Variants in CRTC1 observed in about 807,000 individuals in gnomAD.
The protein encoded by CRTC1 is CREB-regulated transcription coactivator 1.
Under a neutral mutation model 66.1 loss-of-function variants are expected in CRTC1, and 18 were observed. The observed-to-expected ratio is 0.27, with a 90% CI of 0.19 to 0.40. The LOEUF (loss-of-function observed/expected upper bound fraction) is 0.40. Ranked by LOEUF, CRTC1 falls within the 10% of genes least tolerant of loss-of-function variation. The pLI is 1.00. For missense variants in CRTC1, 669 were observed against 887.9 expected (o/e 0.75, Z 3.13); for synonymous variants, 416 against 398.8 (o/e 1.04, Z -0.51).
At position 18,775,632 on chromosome 19, in the gene CRTC1, C is replaced by T; in HGVS notation, c.1513-9C>T. Reference sequence around the variant, plus strand: ...TGGCCCTCACAGCCTGGTGTGCCTCCCTTCCCAGCTGGAGCAGTTCAACAT... The same window carrying T: ...TGGCCCTCACAGCCTGGTGTGCCTCTCTTCCCAGCTGGAGCAGTTCAACAT... On this transcript the variant is annotated splice_polypyrimidine_tract_variant and intron_variant, in intron 12 of 13. Coordinates refer to ENST00000321949, the MANE Select transcript of CRTC1 (RefSeq NM_015321.3). The T allele has an allele frequency of 6.4e-7, 1 of 1,562,838 alleles. No homozygotes were observed. The highest frequency in any genetic ancestry group is 8.7e-7 in the Non-Finnish European group (1 of 1,152,312).
At chr19:18,761,196 T>TGGCCTCTACTGCCGC (rs1290686230) in intron 8 of CRTC1, among the ~76,000 whole-genome samples, 1 of 152,174 alleles carries the variant, frequency 6.6e-6, no homozygotes, top group East Asian at 1.9e-4. Context: ...GTCCCGGCCC[T>TGGCCTCTACTGCCGC]GGCCTCTACT....
In CRTC1 at chr19:18,759,146, C is replaced by CTA. The variant is rs1261146205; in HGVS notation, c.625-405_625-404insTA. 2.0e-5 allele frequency among the ~76,000 whole-genome samples: 3 copies of CTA among 152,130 alleles called. No homozygotes were observed. In the East Asian group the frequency reaches 5.8e-4, roughly 29 times the overall value. ...TGAGCTCAGGAGGTTGAGGCTGCGG[C>CTA]GAGCTGTGATCACACCACTGCACTC... On this transcript the variant is annotated intron_variant, in intron 6 of 13. Transcript: ENST00000321949.
Position 18,712,712 on chromosome 19 carries a change from C to T in CRTC1, c.126+28884C>T, listed in dbSNP as rs566932269. 1.7e-4 allele frequency among the ~76,000 whole-genome samples: 26 copies of T among 152,180 alleles called. 1 individual carries two copies. The highest frequency in any genetic ancestry group is 4.8e-4 in the African/African-American group (20 of 41,542). On this transcript the variant is annotated intron_variant, in intron 1 of 13. Transcript: ENST00000321949. Reference sequence around the variant, plus strand: ...CAGTTGCCCATTCCTATAATCCCAACGCTTTGGGAGGCCAAGGCGGGCAGA... The same window carrying T: ...CAGTTGCCCATTCCTATAATCCCAATGCTTTGGGAGGCCAAGGCGGGCAGA...
rs756410196 is a variant in CRTC1, at chr19:18,768,809, G to A, written c.1320+16G>A. ...CATCGCCTCGGTAAGCCCAGGGTGG[G>A]GTCCCTCGGGGCCTGACTGGGGGTC... is the stretch of plus-strand genomic sequence containing the variant. On this transcript the variant is annotated intron_variant, in intron 10 of 13. Coordinates refer to ENST00000321949, the MANE Select transcript of CRTC1 (RefSeq NM_015321.3). This position sits in a 1 kb window ranked among gnomAD's most constrained non-coding sequence, Gnocchi z 5.6. 1 of 1,583,706 alleles carries A rather than the reference G, an allele frequency of 6.3e-7. No individual in the cohort carries two copies. Among genetic ancestry groups the A allele is most frequent in the South Asian group, 1.2e-5 (1 of 86,808 alleles).
At chr19:18,699,310 C>T (rs2053075302) in intron 1 of CRTC1, among the ~76,000 whole-genome samples, 1 of 152,194 alleles carries the variant, frequency 6.6e-6, no homozygotes, top group African/African-American at 2.4e-5. Context: ...TTGAGGGGCC[C>T]TGAAGTGAGA....
chr19:18,754,036 G>GGTTGCACTGAGCCGAGATTGTGCC, intron 6 of CRTC1, among the ~76,000 whole-genome samples: 1 of 151,966 alleles, frequency 6.6e-6, no homozygotes, highest in East Asian at 1.9e-4. Flanking sequence ...TGGAGGCAGA[G>GGTTGCACTGAGCCGAGATTGTGCC]GTTGCACTGA....
chr19:18,768,936 G>A lies in CRTC1; in HGVS notation c.1320+143G>A. 9.4e-6 allele frequency: 10 copies of A among 1,069,058 alleles called. No individual in the cohort carries two copies. The highest frequency in any genetic ancestry group is 1.3e-5 in the Non-Finnish European group (10 of 762,656). The allele number at this position is 1,069,058 out of a possible 1,614,324, so 66.2% of individuals were successfully genotyped here. A position where few individuals can be genotyped will look rare whatever the true frequency, so the allele number is the denominator to read the frequency against. On this transcript the variant is annotated intron_variant, in intron 10 of 13. Transcript: ENST00000321949. The surrounding 1 kb of genome is among the most constrained non-coding windows in gnomAD (Gnocchi z 5.6). Reference sequence around the variant, plus strand: ...CGCTGCCTGGGCCCACCTCTCCACGGGGCTACCCCTTGGAATCAAACTGAG... The same window carrying A: ...CGCTGCCTGGGCCCACCTCTCCACGAGGCTACCCCTTGGAATCAAACTGAG...
At position 18,781,211 on chromosome 19, in the gene CRTC1, C is replaced by T. The variant is rs141534489; in HGVS notation, c.*3829C>T. 10 of 227,042 alleles carry T rather than the reference C, an allele frequency of 4.4e-5. No homozygotes were observed. The highest frequency in any genetic ancestry group is 5.3e-5 in the Non-Finnish European group (6 of 114,204). 14.1% of individuals were successfully genotyped at this position (227,042 alleles called of 1,614,324 possible). On this transcript the variant is annotated 3_prime_UTR_variant, in exon 14 of 14. Transcript: ENST00000321949. ...CTGGCCCGTCACCCACATGTGGTGC[C>T]CTGGGCCAGGGCGTGCGGGCGCCAG...
intron 1 of CRTC1, among the ~76,000 whole-genome samples, chr19:18,689,364 C>T (rs1309004500): frequency 6.7e-6 from 1 of 150,072 alleles, no homozygotes; most frequent in Non-Finnish European, 1.5e-5. Flanking sequence ...CCTTCTTTTA[C>T]TTAGCATAGT....
At chr19:18,773,683 C>T (rs1331067703) in intron 11 of CRTC1, among the ~76,000 whole-genome samples, 1 of 152,192 alleles carries the variant, frequency 6.6e-6, no homozygotes, top group Non-Finnish European at 1.5e-5. Flanking sequence ...TTTTTAGGGC[C>T]AAGATAGCAT....
At chr19:18,699,176 CAT>C (rs2053072141) in intron 1 of CRTC1, among the ~76,000 whole-genome samples, 1 of 152,198 alleles carries the variant, frequency 6.6e-6, no homozygotes, top group South Asian at 2.1e-4. Context: ...TCTGGAATCT[CAT>C]AGAAGCAGGT....
chr19:18,689,564 CAT>C lies in CRTC1; in HGVS notation c.126+5757_126+5758del, dbSNP rs10616884. The stretch of plus-strand genomic sequence containing the variant: ...CATCTCAAAAAAAAAAATTGATGGC[CAT>C]ATATATATATATATATATATGTAAT... On this transcript the variant is annotated intron_variant, in intron 1 of 13. Transcript: ENST00000321949. 4.6e-3 allele frequency among the ~76,000 whole-genome samples: 177 copies of C among 38,276 alleles called. 6 individuals are homozygous for C. The highest frequency in any genetic ancestry group is 0.031 in the African/African-American group (109 of 3,534). The allele number at this position is 38,276 out of a possible 152,430, so 25.1% of individuals were successfully genotyped here. A position where few individuals can be genotyped will look rare whatever the true frequency, so the allele number is the denominator to read the frequency against.
chr19:18,744,867 G>A (rs1385772093), intron 2 of CRTC1, among the ~76,000 whole-genome samples: 1 of 152,192 alleles, frequency 6.6e-6, no homozygotes, highest in African/African-American at 2.4e-5. Context: ...CTCTGGCCGA[G>A]GCTGGGACAA....
At chr19:18,757,530 C>T (rs998694326) in intron 6 of CRTC1, among the ~76,000 whole-genome samples, 9 of 152,166 alleles carry the variant, frequency 5.9e-5, no homozygotes, top group Admixed American at 2.6e-4. Flanking sequence ...TGGAGGTACC[C>T]GGCAGGTCTT....
At chr19:18,744,332 C>T (rs988646500) in intron 2 of CRTC1, among the ~76,000 whole-genome samples, 3 of 152,184 alleles carry the variant, frequency 2.0e-5, no homozygotes, top group Admixed American at 1.3e-4. Flanking sequence ...ACCCCCATCT[C>T]GGGAAGTGCG....
At chr19:18,764,014 G>C (rs1473067806) in intron 8 of CRTC1, among the ~76,000 whole-genome samples, 1 of 152,154 alleles carries the variant, frequency 6.6e-6, no homozygotes, top group Non-Finnish European at 1.5e-5. Context: ...CTTGCTGCCT[G>C]GGGAGCAGTC....
intron 1 of CRTC1, among the ~76,000 whole-genome samples, chr19:18,710,860 A>C (rs977232549): frequency 6.6e-6 from 1 of 152,026 alleles, no homozygotes; most frequent in Non-Finnish European, 1.5e-5. Flanking sequence ...CAAGCGATCC[A>C]CAGCCTTGGC....
chr19:18,720,801 T>A (rs1434195878), intron 1 of CRTC1, among the ~76,000 whole-genome samples: 1 of 152,130 alleles, frequency 6.6e-6, no homozygotes, highest in East Asian at 1.9e-4. Context: ...TGCACCCGGC[T>A]GAGTTTTGGA....
At position 18,781,628 on chromosome 19, in the gene CRTC1, G is replaced by T; in HGVS notation, c.*4246G>T. ...GGTGCTGGGGAGTTCCTGAGGGCAT[G>T]GGTGGGGCAGGAGTGAGTGCCTCGT... is the stretch of plus-strand genomic sequence containing the variant. On this transcript the variant is annotated 3_prime_UTR_variant, in exon 14 of 14. Transcript: ENST00000321949. The T allele has an allele frequency of 4.3e-6, 1 of 230,232 alleles. No homozygotes were observed. 14.3% of individuals were successfully genotyped at this position (230,232 alleles called of 1,614,324 possible). A position where few individuals can be genotyped will look rare whatever the true frequency, so the allele number is the denominator to read the frequency against.
Sources: gnomAD v4.1 joint callset for allele counts (sites outside exome capture counted in the v4.1 genomes callset) on GRCh38, gnomAD v4.1.1 for gene constraint, Gnocchi (gnomAD v3.1) non-coding constraint, MANE v1.5 for transcripts, NCBI Gene and HGNC (gene_info 2026-07-23, HGNC 2026-07-21) for gene names.